The following ACSL6 variants were observed in gnomAD, a reference collection of about 807,000 sequenced individuals.
ACSL6 encodes long-chain-fatty-acid--CoA ligase 6.
In ACSL6, 47 loss-of-function variants were observed where a neutral mutation model predicts 98.2. The observed-to-expected ratio is 0.48, with a 90% confidence interval of 0.38 to 0.61. The LOEUF is 0.61. Ranked by LOEUF, ACSL6 falls within the 20% of genes least tolerant of loss-of-function variation. ACSL6 has a pLI of 0.00. For synonymous variants in ACSL6, 362 were observed against 336.9 expected, an observed-to-expected ratio of 1.07 and a Z score of -0.82; for missense variants, 761 against 913.4, an observed-to-expected ratio of 0.83 and a Z score of 2.15.
At chr5:131,981,613 C>T (rs1245712797) in intron 9 of ACSL6, among the ~76,000 whole-genome samples, 1 of 152,160 alleles carries the variant, frequency 6.6e-6, no homozygotes, top group Non-Finnish European at 1.5e-5. Context: ...TCTTTTGTGC[C>T]TGGTTTCTTT....
At chr5:131,994,559 C>G in intron 1 of ACSL6, 1 of 401,526 alleles carries the variant, frequency 2.5e-6, no homozygotes, top group Non-Finnish European at 4.7e-6. Flanking sequence ...TCTGGCAGCT[C>G]TGGGAATGAT....
intron 18 of ACSL6, among the ~76,000 whole-genome samples, chr5:131,961,984 TG>T (rs1392157415): frequency 6.6e-6 from 1 of 150,924 alleles, no homozygotes; most frequent in South Asian, 2.1e-4. Flanking sequence ...GAGACTAGCC[TG>T]GGCAACATAG....
At chr5:131,989,864 G>A (rs1580678535) in intron 4 of ACSL6, among the ~76,000 whole-genome samples, 2 of 152,212 alleles carry the variant, frequency 1.3e-5, no homozygotes, top group East Asian at 1.9e-4. Flanking sequence ...AAAGTGCTGG[G>A]ATTACAGGCA....
At position 131,995,548 on chromosome 5, in the gene ACSL6, T is replaced by C. The variant is rs371839044; in HGVS notation, c.50-1297A>G. On this transcript the variant is annotated intron_variant, in intron 1 of 20. Coordinates refer to ENST00000651883, the MANE Select transcript of ACSL6 (RefSeq NM_001009185.3). Reference sequence around the variant, plus strand: ...AAGCCTTTGGAAGCATGGCTGTGCTTCCAAGAAGGGAAACAAGGAGAATGC... The same window carrying C: ...AAGCCTTTGGAAGCATGGCTGTGCTCCCAAGAAGGGAAACAAGGAGAATGC... 2.3e-3 allele frequency among the ~76,000 whole-genome samples: 351 copies of C among 152,196 alleles called. 1 individual carries two copies. The highest frequency in any genetic ancestry group is 8.1e-3 in the African/African-American group (338 of 41,510).
At chr5:132,011,890 G>C (rs1234655389), upstream of ACSL6, 18 of 1,548,008 alleles carry the variant, frequency 1.2e-5, no homozygotes, top group Admixed American at 5.9e-5. The surrounding 1 kb of genome is among the most constrained non-coding windows in gnomAD (Gnocchi z 5.4). Context: ...AGCCCTCTCC[G>C]GCCCCGCTCT....
chr5:131,973,118 T>C, intron 12 of ACSL6, 148 bp downstream of exon 12: 1 of 1,166,958 alleles, frequency 8.6e-7, no homozygotes. Flanking sequence ...GAAGGAAGAA[T>C]GAGAAAGAGT....
At chr5:131,964,822 CCT>C (rs1561778743) in intron 17 of ACSL6, among the ~76,000 whole-genome samples, 1 of 152,198 alleles carries the variant, frequency 6.6e-6, no homozygotes, top group Non-Finnish European at 1.5e-5. Context: ...ATGTCTAGTG[CCT>C]CTACTCAGCA....
intron 13 of ACSL6, among the ~76,000 whole-genome samples, chr5:131,972,106 C>T (rs1234124466): frequency 6.6e-6 from 1 of 152,106 alleles, no homozygotes; most frequent in East Asian, 1.9e-4. Context: ...ACGAAGAATA[C>T]TTGAAACACT....
At chr5:131,964,336 G>T (rs547773054) in intron 17 of ACSL6, among the ~76,000 whole-genome samples, 1 of 152,322 alleles carries the variant, frequency 6.6e-6, no homozygotes, top group South Asian at 2.1e-4. Context: ...TGCATGATTT[G>T]CTTTACATGA....
intron 2 of ACSL6, among the ~76,000 whole-genome samples, chr5:131,992,831 C>T (rs1754596859): frequency 6.6e-6 from 1 of 152,230 alleles, no homozygotes. Flanking sequence ...GATATAGTCA[C>T]AAGCTTAACC....
At position 131,985,448 on chromosome 5, in the gene ACSL6, G is replaced by A. The variant is rs1159465923; in HGVS notation, c.875C>T (p.Pro292Leu). The A allele has an allele frequency of 6.2e-7, 1 of 1,613,950 alleles. No individual in the cohort carries two copies. The highest frequency in any genetic ancestry group is 8.5e-7 in the Non-Finnish European group (1 of 1,180,004). Reference sequence around the variant, plus strand: ...GAAACACACAATGGAGAGGTCATCAGGCTGCGGGGGCTGCAGGGGTGAGAA... The same window carrying A: ...GAAACACACAATGGAGAGGTCATCAAGCTGCGGGGGCTGCAGGGGTGAGAA... Reference protein sequence around the residue: ...ENHQAPVPPQPDDLSIVCFTS... With the variant: ...ENHQAPVPPQLDDLSIVCFTS... Residue 292 changes from proline (P) to leucine (L), a missense_variant, in exon 9 of 21, where the codon CCT becomes CTT. Pro to Leu is a moderately conservative substitution (Grantham distance 98). Coordinates refer to ENST00000651883, the MANE Select transcript of ACSL6 (RefSeq NM_001009185.3).
At chr5:131,954,870 G>A (rs190360297) in intron 20 of ACSL6, among the ~76,000 whole-genome samples, 10 of 152,280 alleles carry the variant, frequency 6.6e-5, no homozygotes, top group Admixed American at 2.6e-4. Context: ...ATAGGCAGAG[G>A]CAACACCAAA....
Position 131,950,585 on chromosome 5 carries a change from C to T in ACSL6, c.*3649G>A, listed in dbSNP as rs1371712302. 1.0e-5 allele frequency: 2 copies of T among 195,000 alleles called. No homozygotes were observed. The highest frequency in any genetic ancestry group is 4.6e-5 in the African/African-American group (2 of 43,182). The allele number at this position is 195,000 out of a possible 1,614,324, so 12.1% of individuals were successfully genotyped here. A position where few individuals can be genotyped will look rare whatever the true frequency, so the allele number is the denominator to read the frequency against. Reference sequence around the variant, plus strand: ...ATATACGGTTATTCATTCTTTTTTTCCTGAGATATTAAGCACATTTGTAAG... The same window carrying T: ...ATATACGGTTATTCATTCTTTTTTTTCTGAGATATTAAGCACATTTGTAAG... On this transcript the variant is annotated 3_prime_UTR_variant, in exon 21 of 21. Coordinates refer to ENST00000651883, the MANE Select transcript of ACSL6 (RefSeq NM_001009185.3).
intron 6 of ACSL6, chr5:131,988,564 G>GC: frequency 1.4e-5 from 22 of 1,563,340 alleles, no homozygotes; most frequent in Non-Finnish European, 1.8e-5. Context: ...ACCCTGTGTG[G>GC]AGGCTGTTGC....
At chr5:131,992,325 G>A (rs1020078242) in intron 2 of ACSL6, among the ~76,000 whole-genome samples, 3 of 152,094 alleles carry the variant, frequency 2.0e-5, no homozygotes, top group African/African-American at 4.8e-5. Flanking sequence ...TAGGCCAGGC[G>A]AGTGACAAGA....
chr5:132,011,794 C>G (rs1436006010), upstream of ACSL6: 1 of 1,371,340 alleles, frequency 7.3e-7, no homozygotes, highest in Non-Finnish European at 9.5e-7. The surrounding 1 kb of genome is among the most constrained non-coding windows in gnomAD (Gnocchi z 5.4). Flanking sequence ...CCTGGCCGGC[C>G]GGGTCTGGGG....
intron 2 of ACSL6, among the ~76,000 whole-genome samples, chr5:131,991,954 A>G (rs1754546265): frequency 6.6e-6 from 1 of 152,226 alleles, no homozygotes; most frequent in Non-Finnish European, 1.5e-5. Flanking sequence ...CTGCAAGAGA[A>G]GCTGGGACAC....
At chr5:131,984,600 C>T (rs253941) in intron 9 of ACSL6, 36,107 of 152,408 alleles carry the variant, frequency 0.24, 4,478 homozygotes, top group East Asian at 0.51. Context: ...GCTCACCTCA[C>T]AGGCTGTGCT....
intron 12 of ACSL6, 122 bp from the exon 13 acceptor site, chr5:131,972,980 A>G: frequency 1.4e-6 from 2 of 1,387,524 alleles, no homozygotes; most frequent in Non-Finnish European, 2.0e-6. Flanking sequence ...CCCCTGCAGG[A>G]GGTCACTGAA....
Sources: allele counts gnomAD v4.1 joint callset (sites outside exome capture counted in the v4.1 genomes callset), GRCh38; gene constraint gnomAD v4.1.1; non-coding constraint Gnocchi (gnomAD v3.1); transcripts MANE v1.5; gene names NCBI Gene and HGNC (gene_info 2026-07-23, HGNC 2026-07-21).